Variants in PUM2 observed in about 807,000 individuals in gnomAD.
PUM2 encodes the protein pumilio homolog 2.
In PUM2, 57 loss-of-function variants were observed where a neutral mutation model predicts 124.5. The ratio of observed to expected loss-of-function variants is 0.46; its 90% CI spans 0.37 to 0.57. The LOEUF (loss-of-function observed/expected upper bound fraction) is 0.57, where lower values mean the gene tolerates loss of function less well. PUM2 is among the 20% of genes least tolerant of loss of function. The pLI, the probability that PUM2 is intolerant of heterozygous loss-of-function variation, is 0.00. For missense variants in PUM2, 1,065 were observed against 1,290.6 expected (o/e 0.83, Z 2.68); for synonymous variants, 460 against 446.1 (o/e 1.03, Z -0.39).
intron 5 of PUM2, among the ~76,000 whole-genome samples, chr2:20,309,964 G>C (rs1679243612): frequency 6.6e-6 from 1 of 151,866 alleles, no homozygotes; most frequent in African/African-American, 2.4e-5. Flanking sequence ...ACATCCCAAA[G>C]GCTCTTTTTT....
At chr2:20,350,844 T>TC (rs569765888), upstream of PUM2, 35 of 801,166 alleles carry the variant, frequency 4.4e-5, no homozygotes, top group South Asian at 7.1e-4. Context: ...TGCCCTCCCC[T>TC]CCCCCCCGCC....
At chr2:20,291,846 C>T (rs1478432812) in intron 9 of PUM2, among the ~76,000 whole-genome samples, 2 of 152,096 alleles carry the variant, frequency 1.3e-5, no homozygotes, top group East Asian at 3.9e-4. Flanking sequence ...ATTTGGTGAC[C>T]ATACCGTTTG....
rs753926526 is a variant in PUM2, at chr2:20,283,181, T to C, written c.1486A>G (p.Asn496Asp). ...GTGCCAATTGGCCGAAACAGACCAT[T>C]TGTGCTGCCTGTAAGGCTACTTGCA... ...GTASSLTGSTNGLFRPIGTQP... is the reference protein window; with the variant it reads ...GTASSLTGSTDGLFRPIGTQP... The change falls in exon 12 of 21, where the codon AAT (asparagine) becomes GAT (aspartate). Residue 496 changes from asparagine to aspartate, a missense_variant. By Grantham distance (23) the Asn-to-Asp change is conservative. This residue lies in a region of PUM2 where 968 missense variants were observed against 1,159.8 expected (regional missense o/e 0.83). Coordinates refer to ENST00000361078, the MANE Select transcript of PUM2 (RefSeq NM_015317.5). 13 of 1,613,980 alleles carry C rather than the reference T, an allele frequency of 8.1e-6. No individual in the cohort carries two copies. Among genetic ancestry groups the C allele is most frequent in the Admixed American group, 1.7e-5 (1 of 59,960 alleles).
chr2:20,294,624 GAGA>G, intron 8 of PUM2, 106 bp from the exon 9 acceptor site: 1 of 1,265,212 alleles, frequency 7.9e-7, no homozygotes, highest in Non-Finnish European at 1.1e-6. Flanking sequence ...AGAAGACTTA[GAGA>G]AGAACATGTC....
intron 8 of PUM2, 151 bp downstream of exon 8, chr2:20,297,402 C>T (rs1323701962): frequency 2.8e-6 from 2 of 715,230 alleles, no homozygotes; most frequent in Non-Finnish European, 4.2e-6. Context: ...AAAAATAGTA[C>T]TAACTTCCTG....
In PUM2 at chr2:20,256,128, C is replaced by T. The variant is rs776178215; in HGVS notation, c.2527G>A (p.Val843Met). Residue 843 changes from valine (V) to methionine (M), a missense_variant, in exon 17 of 21, where the codon GTG (valine) becomes ATG (methionine). Val to Met is a conservative substitution (Grantham distance 21). Coordinates refer to ENST00000361078, the MANE Select transcript of PUM2 (RefSeq NM_015317.5). ...ACATGGTTTCCATTCTGATCTTTCA[C>T]ACATTTGAGCACATGACCATCCAGC... Reference protein sequence around the residue: ...KELDGHVLKCVKDQNGNHVVQ... With the variant: ...KELDGHVLKCMKDQNGNHVVQ... 1.9e-6 allele frequency: 3 copies of T among 1,600,110 alleles called. No homozygotes were observed. Among genetic ancestry groups the T allele is most frequent in the Admixed American group, 1.8e-5 (1 of 56,550 alleles).
At chr2:20,343,604 C>T (rs1029065345) in intron 1 of PUM2, among the ~76,000 whole-genome samples, 1 of 151,992 alleles carries the variant, frequency 6.6e-6, no homozygotes, top group Non-Finnish European at 1.5e-5. Flanking sequence ...TAACACTAAG[C>T]TTTAAAAGAA....
upstream of PUM2, among the ~76,000 whole-genome samples, chr2:20,351,138 C>A (rs1029514453): frequency 5.3e-5 from 8 of 152,318 alleles, no homozygotes; most frequent in Non-Finnish European, 7.4e-5. Flanking sequence ...CGACTGTCTT[C>A]CCGCGTGGGG....
intron 1 of PUM2, among the ~76,000 whole-genome samples, chr2:20,332,282 A>AGTGTGTGTGTGTGTGTGTGTGT (rs55986830): frequency 1.5e-3 from 215 of 145,430 alleles, no homozygotes; most frequent in African/African-American, 4.0e-3. Context: ...ATACTACTAG[A>AGTGTGTGTGTGTGTGTGTGTGT]GTGTGTGTGT....
intron 3 of PUM2, among the ~76,000 whole-genome samples, chr2:20,316,961 G>A (rs1289144955): frequency 7.2e-5 from 11 of 152,194 alleles, no homozygotes; most frequent in Middle Eastern, 3.4e-3. Context: ...AACCTGGGAG[G>A]CGGAGGTTGC....
chr2:20,265,542 T>C (rs1175528654), intron 13 of PUM2, among the ~76,000 whole-genome samples: 1 of 152,246 alleles, frequency 6.6e-6, no homozygotes, highest in Non-Finnish European at 1.5e-5. Flanking sequence ...TTCTCTAGCA[T>C]CTTTGCCCTT....
chr2:20,279,939 C>A (rs1346276245), intron 12 of PUM2, among the ~76,000 whole-genome samples: 3 of 152,142 alleles, frequency 2.0e-5, no homozygotes, highest in Non-Finnish European at 2.9e-5. Context: ...TTTCAAACCA[C>A]ATTTCTGAAC....
chr2:20,273,881 C>T (rs2148755724), intron 13 of PUM2, among the ~76,000 whole-genome samples: 1 of 152,110 alleles, frequency 6.6e-6, no homozygotes, highest in South Asian at 2.1e-4. Flanking sequence ...GAGAAAGGAA[C>T]CTAAAAAGCT....
rs2148611816 is a variant in PUM2, at chr2:20,312,370, G to A, written c.214C>T (p.His72Tyr). The change falls in exon 4 of 21, where the codon CAT (histidine) becomes TAT (tyrosine). Residue 72 changes from histidine (H) to tyrosine (Y), a missense_variant. By Grantham distance (83) the His-to-Tyr change is moderately conservative. Around this residue, in one of 3 missense-constraint regions of PUM2, gnomAD observed 90 missense variants for 103.6 expected, o/e 0.87. Coordinates refer to ENST00000361078, the MANE Select transcript of PUM2 (RefSeq NM_015317.5). ...ATTGCATTTACTTCACTGTTTCCAT[G>A]AAAACCCTGTCCAGATCTTCTCTGT... ...MVQRRSGQGF[H>Y]GNSEVNAILS... is the part of the protein sequence containing the mutation. The A allele has an allele frequency of 3.7e-6, 6 of 1,613,800 alleles. No individual in the cohort carries two copies. Among genetic ancestry groups the A allele is most frequent in the Non-Finnish European group, 5.1e-6 (6 of 1,179,826 alleles).
intron 5 of PUM2, 105 bp downstream of exon 5, chr2:20,311,389 A>C: frequency 7.8e-7 from 1 of 1,282,992 alleles, no homozygotes; most frequent in Non-Finnish European, 1.0e-6. Context: ...CAAAGTTCAA[A>C]GGAAATAAAC....
intron 9 of PUM2, among the ~76,000 whole-genome samples, chr2:20,292,104 A>C (rs1003137700): frequency 8.0e-5 from 12 of 150,306 alleles, no homozygotes; most frequent in Non-Finnish European, 1.8e-4. Flanking sequence ...AGGTTTTTTC[A>C]TAAAAGGACT....
chr2:20,338,021 C>T (rs1036529118), intron 1 of PUM2, among the ~76,000 whole-genome samples: 1 of 152,152 alleles, frequency 6.6e-6, no homozygotes, highest in Non-Finnish European at 1.5e-5. Flanking sequence ...TGGTAGAGAA[C>T]ATAATACTAT....
intron 13 of PUM2, among the ~76,000 whole-genome samples, chr2:20,266,578 G>T (rs1667715490): frequency 1.3e-5 from 2 of 151,630 alleles, no homozygotes. Flanking sequence ...TTCACCCAGG[G>T]AAGCATACCT....
At chr2:20,296,886 CTTT>C (rs1297745343) in intron 8 of PUM2, among the ~76,000 whole-genome samples, 1 of 149,766 alleles carries the variant, frequency 6.7e-6, no homozygotes, top group East Asian at 1.9e-4. Flanking sequence ...ATAAATACAG[CTTT>C]TTTGTTGTTG....
Sources: gnomAD v4.1 joint callset for allele counts (sites outside exome capture counted in the v4.1 genomes callset) on GRCh38, gnomAD v4.1.1 for gene constraint, gnomAD v4.1.1 regional missense constraint, MANE v1.5 for transcripts, NCBI Gene and HGNC (gene_info 2026-07-23, HGNC 2026-07-21) for gene names.